PTPRN2: variants seen among roughly 807,000 people sequenced by gnomAD.
PTPRN2 encodes receptor-type tyrosine-protein phosphatase N2.
Under a neutral mutation model 118.8 loss-of-function variants are expected in PTPRN2, and 74 were observed. The ratio of observed to expected loss-of-function variants is 0.62; its 90% CI spans 0.52 to 0.76. The LOEUF is 0.76. Among genes scored for constraint, PTPRN2 ranks in the 30% least tolerant of loss-of-function variants. The probability of loss-of-function intolerance (pLI) is 0.00; values close to 1 mark genes in which losing one functional copy is unlikely to be tolerated. For missense variants in PTPRN2, 1,481 were observed against 1,394.4 expected (o/e 1.06, Z -0.99); for synonymous variants, 641 against 608.0 (o/e 1.05, Z -0.80).
chr7:158,292,951 C>G (rs972372465), intron 3 of PTPRN2, among the ~76,000 whole-genome samples: 1 of 151,964 alleles, frequency 6.6e-6, no homozygotes, highest in Non-Finnish European at 1.5e-5. Flanking sequence ...ACCTGTAATC[C>G]CAGCTACTAG....
intron 12 of PTPRN2, among the ~76,000 whole-genome samples, chr7:157,777,222 C>A (rs565783431): frequency 6.6e-6 from 1 of 152,360 alleles, no homozygotes; most frequent in African/African-American, 2.4e-5. Flanking sequence ...AACAGATCCA[C>A]AAATTCTTGT....
In PTPRN2 at chr7:158,343,621, G is replaced by A. The variant is rs539708677; in HGVS notation, c.164-26689C>T. Among the ~76,000 whole-genome samples, 10 of 149,562 alleles carry A rather than the reference G, an allele frequency of 6.7e-5. No individual in the cohort carries two copies. In the East Asian group the frequency reaches 1.0e-3, roughly 15 times the overall value. ...CCATGCTGGTGGCACATGGGCTGTC[G>A]CGACTGCTCCCGGTGGAATCAGCCC... On this transcript the variant is annotated intron_variant, in intron 2 of 22. Coordinates refer to ENST00000389418, the MANE Select transcript of PTPRN2 (RefSeq NM_002847.5).
rs1424700248 is a variant in PTPRN2, at chr7:158,565,935, A to C, written c.112+21623T>G. Among the ~76,000 whole-genome samples the C allele has an allele frequency of 6.6e-6, 1 of 152,170 alleles. No individual in the cohort carries two copies. Among genetic ancestry groups the C allele is most frequent in the South Asian group, 2.1e-4 (1 of 4,822 alleles). On this transcript the variant is annotated intron_variant, in intron 1 of 22. Coordinates refer to ENST00000389418, the MANE Select transcript of PTPRN2 (RefSeq NM_002847.5). This position sits in a 1 kb window ranked among gnomAD's most constrained non-coding sequence, Gnocchi z 4.6. ...CAACACTGTCCTCTAAATATTTAGG[A>C]CACCTATATTTTCCTTTGTGTCAGC...
At chr7:158,145,487 G>C (rs1342234858) in intron 6 of PTPRN2, among the ~76,000 whole-genome samples, 1 of 152,210 alleles carries the variant, frequency 6.6e-6, no homozygotes, top group South Asian at 2.1e-4. Flanking sequence ...AGAGTTTGGG[G>C]AACTGGCAGG....
chr7:158,465,228 A>G (rs1819308675), intron 2 of PTPRN2, among the ~76,000 whole-genome samples: 1 of 152,202 alleles, frequency 6.6e-6, no homozygotes, highest in Admixed American at 6.5e-5. Flanking sequence ...CCAGCCTTCA[A>G]ATCCAGTCCT....
At chr7:158,557,338 C>T (rs550067164) in intron 1 of PTPRN2, among the ~76,000 whole-genome samples, 12 of 143,702 alleles carry the variant, frequency 8.4e-5, no homozygotes, top group Non-Finnish European at 1.5e-4. Flanking sequence ...GCGGCTCCCG[C>T]GCAGGTCAGA....
At position 157,873,906 on chromosome 7, in the gene PTPRN2, C is replaced by T. The variant is rs116423484; in HGVS notation, c.1788+24767G>A. ...TGGGCACAAGAGGGGCTTCAGGGCACGGCAGGAGGGCCGTCCGGGGAAAGT... is the reference window on the plus strand; with the variant it reads ...TGGGCACAAGAGGGGCTTCAGGGCATGGCAGGAGGGCCGTCCGGGGAAAGT... On this transcript the variant is annotated intron_variant, in intron 12 of 22. Transcript: ENST00000389418. Among the ~76,000 whole-genome samples, 512 of 152,202 alleles carry T rather than the reference C, an allele frequency of 3.4e-3. 5 individuals are homozygous for T. The highest frequency in any genetic ancestry group is 0.013 in the South Asian group (62 of 4,824).
chr7:158,181,061 A>C (rs1824662103), intron 5 of PTPRN2, among the ~76,000 whole-genome samples: 1 of 152,032 alleles, frequency 6.6e-6, no homozygotes, highest in African/African-American at 2.4e-5. Flanking sequence ...ATTCCATATA[A>C]TGTTGGTTGT....
At chr7:158,531,025 T>C (rs566351264) in intron 1 of PTPRN2, among the ~76,000 whole-genome samples, 1 of 151,690 alleles carries the variant, frequency 6.6e-6, no homozygotes, top group African/African-American at 2.4e-5. Flanking sequence ...TGCATGGGGG[T>C]GTGTGTGTGA....
intron 1 of PTPRN2, among the ~76,000 whole-genome samples, chr7:158,587,028 G>A (rs1828979569): frequency 6.6e-6 from 1 of 151,994 alleles, no homozygotes; most frequent in Non-Finnish European, 1.5e-5. Context: ...CGCGCGACCC[G>A]TGGCCGGGGG....
chr7:158,060,394 T>A (rs1810232273), intron 11 of PTPRN2, among the ~76,000 whole-genome samples: 1 of 152,230 alleles, frequency 6.6e-6, no homozygotes, highest in African/African-American at 2.4e-5. Flanking sequence ...GGTCTCACTG[T>A]CTCGCCGTGT....
chr7:158,532,529 G>A (rs1825325599), intron 1 of PTPRN2, among the ~76,000 whole-genome samples: 1 of 152,130 alleles, frequency 6.6e-6, no homozygotes, highest in Admixed American at 6.5e-5. Context: ...GTTGGAGCGT[G>A]GTGGACCGTG....
At chr7:157,916,930 C>T (rs553580967) in intron 11 of PTPRN2, among the ~76,000 whole-genome samples, 4 of 130,430 alleles carry the variant, frequency 3.1e-5, no homozygotes, top group South Asian at 5.8e-4. Flanking sequence ...CCGGCCACTC[C>T]GGGACACGTC....
chr7:158,243,297 T>C (rs149843690), intron 3 of PTPRN2, among the ~76,000 whole-genome samples: 1 of 152,318 alleles, frequency 6.6e-6, no homozygotes, highest in African/African-American at 2.4e-5. Context: ...TCTCCCAAAA[T>C]TAATCAATGC....
chr7:157,824,735 G>C (rs1215514050), intron 12 of PTPRN2, among the ~76,000 whole-genome samples: 1 of 152,130 alleles, frequency 6.6e-6, no homozygotes, highest in Non-Finnish European at 1.5e-5. Context: ...GTGTGAACCT[G>C]GATGCTACAC....
chr7:157,575,571 A>G (rs1222360109), intron 19 of PTPRN2, among the ~76,000 whole-genome samples: 1 of 152,246 alleles, frequency 6.6e-6, no homozygotes, highest in Non-Finnish European at 1.5e-5. Flanking sequence ...AAAAGGCAAA[A>G]TAAATTGAAT....
intron 2 of PTPRN2, among the ~76,000 whole-genome samples, chr7:158,347,652 A>G (rs1183756006): frequency 6.6e-6 from 1 of 152,180 alleles, no homozygotes; most frequent in African/African-American, 2.4e-5. Context: ...ATGCCATTGG[A>G]ATTTTGATAG....
At chr7:158,337,491 C>CAT (rs1805883749) in intron 2 of PTPRN2, among the ~76,000 whole-genome samples, 1 of 151,354 alleles carries the variant, frequency 6.6e-6, no homozygotes, top group Non-Finnish European at 1.5e-5. Context: ...GTGACACCTG[C>CAT]AGACGTCACT....
chr7:157,781,598 C>T (rs1420254175), intron 12 of PTPRN2, among the ~76,000 whole-genome samples: 2 of 152,152 alleles, frequency 1.3e-5, no homozygotes, highest in Non-Finnish European at 2.9e-5. Flanking sequence ...CATACAAGTT[C>T]GAGTATGAAG....
Sources: gnomAD v4.1 joint callset for allele counts (sites outside exome capture counted in the v4.1 genomes callset) on GRCh38, gnomAD v4.1.1 for gene constraint, Gnocchi (gnomAD v3.1) non-coding constraint, MANE v1.5 for transcripts, NCBI Gene and HGNC (gene_info 2026-07-23, HGNC 2026-07-21) for gene names.